The following C1orf185 variants were observed in gnomAD, a reference collection of about 807,000 sequenced individuals.
C1orf185 encodes chromosome 1 open reading frame 185.
Under a neutral mutation model 16.1 loss-of-function variants are expected in C1orf185, and 13 were observed. The ratio of observed to expected loss-of-function variants is 0.81; its 90% CI spans 0.53 to 1.28. The LOEUF is 1.28. Among genes scored for constraint, C1orf185 ranks in the 50% most tolerant of loss-of-function variants. The probability of loss-of-function intolerance (pLI) is 0.00; values close to 1 mark genes in which losing one functional copy is unlikely to be tolerated. For missense variants in C1orf185, 220 were observed against 225.2 expected (o/e 0.98, Z 0.15); for synonymous variants, 80 against 76.9 (o/e 1.04, Z -0.21).
downstream of C1orf185, among the ~76,000 whole-genome samples, chr1:51,148,659 G>T (rs1349016419): frequency 6.6e-6 from 1 of 152,154 alleles, no homozygotes; most frequent in Non-Finnish European, 1.5e-5. Flanking sequence ...AGGCACAGTG[G>T]CTCATGCCTG....
intron 3 of C1orf185, chr1:51,129,721 G>A (rs954855649): frequency 6.6e-6 from 1 of 152,352 alleles, no homozygotes; most frequent in Admixed American, 6.5e-5. Flanking sequence ...CGGTTCTGGT[G>A]AAGGCCCTCT....
chr1:51,136,568 G>A (rs956739287), intron 3 of C1orf185, among the ~76,000 whole-genome samples: 7 of 151,972 alleles, frequency 4.6e-5, no homozygotes, highest in African/African-American at 9.7e-5. Context: ...ATAGATCAAC[G>A]GAACAGAATA....
chr1:51,147,015 C>T (rs1390521675), intron 4 of C1orf185, among the ~76,000 whole-genome samples: 1 of 152,012 alleles, frequency 6.6e-6, no homozygotes, highest in Non-Finnish European at 1.5e-5. Context: ...ATGTATATTA[C>T]AAATGTTTTT....
chr1:51,133,232 GC>G (rs1337832116), intron 3 of C1orf185, among the ~76,000 whole-genome samples: 1 of 152,114 alleles, frequency 6.6e-6, no homozygotes, highest in Non-Finnish European at 1.5e-5. Flanking sequence ...ATGCAACTGG[GC>G]TAAATGCCTT....
At chr1:51,108,291 T>A (rs11205817) in intron 1 of C1orf185, among the ~76,000 whole-genome samples, 22,935 of 152,062 alleles carry the variant, frequency 0.15, 2,935 homozygotes, top group African/African-American at 0.35. Context: ...TACTCTTAAA[T>A]TTTTGGTTTT....
In C1orf185 at chr1:51,119,014, C is replaced by T. The variant is rs114653805; in HGVS notation, c.258+213C>T. ...TTGTATCTTCATATCTCTAGCCCAA[C>T]AACCTGCATTCCACATATTGGGATT... On this transcript the variant is annotated intron_variant, in intron 3 of 4. Coordinates refer to ENST00000371759, the MANE Select transcript of C1orf185 (RefSeq NM_001136508.2). Among the ~76,000 whole-genome samples, 156 of 152,254 alleles carry T rather than the reference C, an allele frequency of 1.0e-3. No individual in the cohort carries two copies. The Middle Eastern group carries it at 0.014, about 13-fold the overall frequency.
rs1398980005 is a variant in C1orf185 at position 51,112,576 on chromosome 1, A to T, written c.122+7A>T. The T allele has an allele frequency of 6.6e-7, 1 of 1,523,338 alleles. No homozygotes were observed. Among genetic ancestry groups the T allele is most frequent in the Non-Finnish European group, 8.8e-7 (1 of 1,134,744 alleles). 94.4% of individuals were successfully genotyped at this position (1,523,338 alleles called of 1,614,324 possible). A position where few individuals can be genotyped will look rare whatever the true frequency, so the allele number is the denominator to read the frequency against. On this transcript the variant is annotated splice_region_variant and intron_variant, in intron 2 of 4. Coordinates refer to ENST00000371759, the MANE Select transcript of C1orf185 (RefSeq NM_001136508.2). ...TCCTGATTTGCAAACGAAGGTAAGG[A>T]TTATTCGAATATTTCTTTAACCTTT...
chr1:51,126,600 G>T (rs1018626288), intron 3 of C1orf185, among the ~76,000 whole-genome samples: 1 of 152,114 alleles, frequency 6.6e-6, no homozygotes, highest in Non-Finnish European at 1.5e-5. Context: ...TTTGTGAAAT[G>T]ATTTTAAGTA....
At chr1:51,124,915 C>G (rs1336695188) in intron 3 of C1orf185, among the ~76,000 whole-genome samples, 1 of 152,158 alleles carries the variant, frequency 6.6e-6, no homozygotes, top group Non-Finnish European at 1.5e-5. Context: ...GCTTCCTAAC[C>G]TCATTCCCCA....
rs1249799691 is a variant in C1orf185, at chr1:51,115,886, T to C, written c.123-2780T>C. Reference sequence around the variant, plus strand: ...TTTTGCAGGTAGAGTCAGCAGATCTTGTTGACAGATTGGATGAAAATGGCA... The same window carrying C: ...TTTTGCAGGTAGAGTCAGCAGATCTCGTTGACAGATTGGATGAAAATGGCA... On this transcript the variant is annotated intron_variant, in intron 2 of 4. Transcript: ENST00000371759. 3.3e-5 allele frequency among the ~76,000 whole-genome samples: 5 copies of C among 152,252 alleles called. No individual in the cohort carries two copies. The East Asian group carries it at 9.7e-4, about 29-fold the overall frequency.
At chr1:51,114,626 G>C (rs1646145019) in intron 2 of C1orf185, among the ~76,000 whole-genome samples, 1 of 152,180 alleles carries the variant, frequency 6.6e-6, no homozygotes, top group Non-Finnish European at 1.5e-5. Flanking sequence ...GGGAGGCTGA[G>C]ACACGAGAAT....
At chr1:51,133,816 C>A (rs1195221099) in intron 3 of C1orf185, among the ~76,000 whole-genome samples, 2 of 152,230 alleles carry the variant, frequency 1.3e-5, no homozygotes, top group Non-Finnish European at 1.5e-5. Flanking sequence ...GTAAAACACT[C>A]TGGCTGGGCA....
At chr1:51,126,208 G>C (rs1279994947) in intron 3 of C1orf185, among the ~76,000 whole-genome samples, 1 of 152,142 alleles carries the variant, frequency 6.6e-6, no homozygotes, top group African/African-American at 2.4e-5. Flanking sequence ...TGTTACAATT[G>C]CTACTGACAA....
Position 51,145,763 on chromosome 1 carries a change from A to AT in C1orf185, c.295+9dup. 1.5e-6 allele frequency: 2 copies of AT among 1,295,970 alleles called. No individual in the cohort carries two copies. Among genetic ancestry groups the AT allele is most frequent in the Non-Finnish European group, 1.0e-6 (1 of 954,346 alleles). 80.3% of individuals were successfully genotyped at this position (1,295,970 alleles called of 1,614,324 possible). ...AAAGGAAGCAGCACATATAAAAGGT[A>AT]TTTTTTCTCAATAATTTATTAGAAG... On this transcript the variant is annotated splice_donor_region_variant and intron_variant, in intron 4 of 4. Transcript: ENST00000371759.
Position 51,145,709 on chromosome 1 carries a change from CT to C in C1orf185, c.259-8del, listed in dbSNP as rs1001020755. 2.4e-5 allele frequency: 31 copies of C among 1,271,246 alleles called. No individual in the cohort carries two copies. Among genetic ancestry groups the C allele is most frequent in the African/African-American group, 1.2e-4 (8 of 65,128 alleles). 78.7% of individuals were successfully genotyped at this position (1,271,246 alleles called of 1,614,324 possible). A position where few individuals can be genotyped will look rare whatever the true frequency, so the allele number is the denominator to read the frequency against. On this transcript the variant is annotated splice_polypyrimidine_tract_variant and intron_variant, in intron 3 of 4. Transcript: ENST00000371759. ...TATTCTGATTTTAAAACACAAATAACTTTTTTTAATGTAGGAGGAGCAAAGA... is the reference window on the plus strand; with the variant it reads ...TATTCTGATTTTAAAACACAAATAACTTTTTTAATGTAGGAGGAGCAAAGA...
chr1:51,136,706 G>A (rs1646327785), intron 3 of C1orf185, among the ~76,000 whole-genome samples: 2 of 152,264 alleles, frequency 1.3e-5, no homozygotes, highest in South Asian at 4.1e-4. Flanking sequence ...ACCATATGCA[G>A]AAGACTGAAA....
chr1:51,130,983 A>C (rs934291693), intron 3 of C1orf185, among the ~76,000 whole-genome samples: 1 of 152,102 alleles, frequency 6.6e-6, no homozygotes, highest in Non-Finnish European at 1.5e-5. Context: ...GCTCACAGCA[A>C]CCTCCACCTC....
chr1:51,145,192 C>A (rs1460451028), intron 3 of C1orf185, among the ~76,000 whole-genome samples: 4 of 152,032 alleles, frequency 2.6e-5, no homozygotes, highest in African/African-American at 9.7e-5. Context: ...TGCAGTCCAG[C>A]TACTCAGGAG....
At chr1:51,115,330 T>C (rs936950559) in intron 2 of C1orf185, among the ~76,000 whole-genome samples, 14 of 152,208 alleles carry the variant, frequency 9.2e-5, no homozygotes, top group African/African-American at 3.4e-4. Flanking sequence ...AGAACAAGAC[T>C]CTGTCTCAAA....
Sources: gnomAD v4.1 joint callset for allele counts (sites outside exome capture counted in the v4.1 genomes callset) on GRCh38, gnomAD v4.1.1 for gene constraint, MANE v1.5 for transcripts, NCBI Gene and HGNC (gene_info 2026-07-23, HGNC 2026-07-21) for gene names.